Variants in ZNF618 observed in about 807,000 individuals in gnomAD.
The protein encoded by ZNF618 is zinc finger protein 618.
Under a neutral mutation model 103.0 loss-of-function variants are expected in ZNF618, and 34 were observed. The observed-to-expected ratio is 0.33, with a 90% CI of 0.25 to 0.44. The LOEUF (loss-of-function observed/expected upper bound fraction) is 0.44. Ranked by LOEUF, ZNF618 falls within the 20% of genes least tolerant of loss-of-function variation. The pLI is 1.00. For missense variants in ZNF618, 1,059 were observed against 1,295.4 expected (o/e 0.82, Z 2.80); for synonymous variants, 551 against 542.2 (o/e 1.02, Z -0.23).
At chr9:113,888,036 GGTTT>G (rs1345938719) in intron 1 of ZNF618, among the ~76,000 whole-genome samples, 1 of 152,128 alleles carries the variant, frequency 6.6e-6, no homozygotes, top group East Asian at 1.9e-4. Flanking sequence ...TGTAAAGTAG[GGTTT>G]GTTTTTTTTT....
At chr9:114,018,556 C>A (rs562486505) in intron 10 of ZNF618, among the ~76,000 whole-genome samples, 14 of 152,302 alleles carry the variant, frequency 9.2e-5, no homozygotes, top group Admixed American at 8.5e-4. Flanking sequence ...AGATGGGGAG[C>A]TTGGCTTTGA....
chr9:113,962,554 T>C (rs1291632297), intron 1 of ZNF618, among the ~76,000 whole-genome samples: 1 of 152,222 alleles, frequency 6.6e-6, no homozygotes, highest in Non-Finnish European at 1.5e-5. Context: ...CTCCTCCTCT[T>C]GTCCTCATGT....
chr9:113,978,592 T>A (rs1838698830), intron 2 of ZNF618, among the ~76,000 whole-genome samples: 1 of 152,256 alleles, frequency 6.6e-6, no homozygotes, highest in Non-Finnish European at 1.5e-5. Flanking sequence ...GTATATTCCC[T>A]GTGTCTTGGG....
At chr9:113,920,209 T>C (rs1832513311) in intron 1 of ZNF618, among the ~76,000 whole-genome samples, 1 of 152,148 alleles carries the variant, frequency 6.6e-6, no homozygotes, top group East Asian at 1.9e-4. Context: ...AGAAGTCACC[T>C]GCTTGATCTC....
chr9:114,043,315 A>T (rs1296543505), intron 13 of ZNF618, among the ~76,000 whole-genome samples: 2 of 152,250 alleles, frequency 1.3e-5, no homozygotes, highest in Non-Finnish European at 2.9e-5. Context: ...ATTGTTTCCT[A>T]AAGTGGCTGC....
intron 1 of ZNF618, among the ~76,000 whole-genome samples, chr9:113,931,836 TA>T (rs1423827586): frequency 2.0e-5 from 3 of 152,246 alleles, no homozygotes; most frequent in Admixed American, 2.0e-4. Context: ...TTTACTTTTT[TA>T]AATGTGTCTA....
At chr9:114,011,537 T>C (rs1010673845) in intron 9 of ZNF618, among the ~76,000 whole-genome samples, 14 of 152,204 alleles carry the variant, frequency 9.2e-5, no homozygotes, top group African/African-American at 3.4e-4. Context: ...TTGCTGCCAC[T>C]CAGGAGCTGC....
chr9:114,038,426 G>A (rs948193944), intron 13 of ZNF618, among the ~76,000 whole-genome samples: 2 of 152,202 alleles, frequency 1.3e-5, no homozygotes, highest in East Asian at 1.9e-4. Context: ...ATGCCTGGCC[G>A]GCCATCCAGC....
intron 13 of ZNF618, among the ~76,000 whole-genome samples, chr9:114,037,017 G>A (rs923849148): frequency 3.9e-5 from 6 of 152,158 alleles, no homozygotes; most frequent in Non-Finnish European, 5.9e-5. Flanking sequence ...TTCAGGGACC[G>A]CCCTTTGAGA....
chr9:113,987,922 C>G (rs1314419412), intron 2 of ZNF618, among the ~76,000 whole-genome samples: 3 of 145,568 alleles, frequency 2.1e-5, no homozygotes, highest in Non-Finnish European at 4.6e-5. Flanking sequence ...CCCAGCTGAT[C>G]TGTATGCACA....
chr9:113,951,599 A>ATG (rs1487695700), intron 1 of ZNF618, among the ~76,000 whole-genome samples: 1 of 92,032 alleles, frequency 1.1e-5, no homozygotes, highest in African/African-American at 3.8e-5. Flanking sequence ...GTGTGTGTGT[A>ATG]TATATATGTA....
chr9:114,041,726 C>T (rs1230920254), intron 13 of ZNF618, among the ~76,000 whole-genome samples: 1 of 152,200 alleles, frequency 6.6e-6, no homozygotes, highest in Non-Finnish European at 1.5e-5. Context: ...GTTTTGGTTA[C>T]TGTAGCCTTG....
At chr9:113,990,402 TC>T (rs976499172) in intron 3 of ZNF618, among the ~76,000 whole-genome samples, 3 of 152,202 alleles carry the variant, frequency 2.0e-5, no homozygotes, top group Non-Finnish European at 2.9e-5. Context: ...AGTATTGGTT[TC>T]TGGGAGTGGT....
intron 2 of ZNF618, among the ~76,000 whole-genome samples, chr9:113,984,170 G>A (rs1839238809): frequency 6.6e-6 from 1 of 152,186 alleles, no homozygotes; most frequent in Non-Finnish European, 1.5e-5. Context: ...AAGCTACACT[G>A]GAATTTCGGG....
chr9:114,040,917 C>G lies in ZNF618; in HGVS notation c.1246+4540C>G, dbSNP rs576316875. Among the ~76,000 whole-genome samples, 4 of 152,354 alleles carry G rather than the reference C, an allele frequency of 2.6e-5. No individual in the cohort carries two copies. In the South Asian group the frequency reaches 6.2e-4, roughly 24 times the overall value. On this transcript the variant is annotated intron_variant, in intron 13 of 14. Coordinates refer to ENST00000374126, the MANE Select transcript of ZNF618 (RefSeq NM_001318042.2). ...TGAGGAATCGCCACACTGTCTTCCA[C>G]AATGGTTGAACTAGTTTACAGTCCC...
intron 1 of ZNF618, among the ~76,000 whole-genome samples, chr9:113,936,931 A>G (rs1345463791): frequency 1.3e-5 from 2 of 151,828 alleles, no homozygotes; most frequent in African/African-American, 2.4e-5. Flanking sequence ...TTTTTTTACT[A>G]TATCTGATTT....
chr9:113,996,169 C>G (rs1840573024), intron 3 of ZNF618, among the ~76,000 whole-genome samples: 1 of 152,170 alleles, frequency 6.6e-6, no homozygotes, highest in African/African-American at 2.4e-5. Context: ...CCATGACTTC[C>G]CTGTTCAGAT....
chr9:113,943,412 G>T (rs966381701), intron 1 of ZNF618, among the ~76,000 whole-genome samples: 1 of 152,180 alleles, frequency 6.6e-6, no homozygotes, highest in African/African-American at 2.4e-5. Flanking sequence ...GGAGCCACGT[G>T]TGATGCACTT....
chr9:113,946,386 G>A (rs1835030309), intron 1 of ZNF618, among the ~76,000 whole-genome samples: 1 of 134,952 alleles, frequency 7.4e-6, no homozygotes, highest in Non-Finnish European at 1.6e-5. Flanking sequence ...TTAGTGAAGT[G>A]GGGGAAGTCT....
Sources: gnomAD v4.1 joint callset for allele counts (sites outside exome capture counted in the v4.1 genomes callset) on GRCh38, gnomAD v4.1.1 for gene constraint, MANE v1.5 for transcripts, NCBI Gene and HGNC (gene_info 2026-07-23, HGNC 2026-07-21) for gene names.